The following CNOT4 variants were observed in gnomAD, a reference collection of about 807,000 sequenced individuals.
CNOT4 encodes CCR4-NOT transcription complex subunit 4.
A neutral mutation model predicts 73.8 loss-of-function variants in CNOT4; 8 were observed. The observed-to-expected ratio is 0.11, with a 90% CI of 0.06 to 0.20. The LOEUF (loss-of-function observed/expected upper bound fraction) is 0.20, where lower values mean the gene tolerates loss of function less well. CNOT4 is among the 10% of genes least tolerant of loss of function. The pLI is 1.00. For missense variants in CNOT4, 564 were observed against 883.4 expected, an observed-to-expected ratio of 0.64 and a Z score of 4.58; for synonymous variants, 293 against 321.1, an observed-to-expected ratio of 0.91 and a Z score of 0.94.
chr7:135,509,969 G>T lies in CNOT4; in HGVS notation c.-173C>A. 2.5e-6 allele frequency: 1 copy of T among 399,098 alleles called. No individual in the cohort carries two copies. The highest frequency in any genetic ancestry group is 1.3e-4 in the South Asian group (1 of 7,852). 24.7% of individuals were successfully genotyped at this position (399,098 alleles called of 1,614,324 possible). On this transcript the variant is annotated 5_prime_UTR_variant, in exon 1 of 12. Transcript: ENST00000541284. ...ACAAGAAACCACCGAACGAGCGTCG[G>T]GGAAAAAACTCTTCAGAACCGGGCC...
At chr7:135,376,748 G>A (rs1388146292) in intron 10 of CNOT4, among the ~76,000 whole-genome samples, 1 of 152,006 alleles carries the variant, frequency 6.6e-6, no homozygotes, top group Non-Finnish European at 1.5e-5. Context: ...TCTAAAAGAT[G>A]GCTCCTATCA....
At chr7:135,500,685 G>A (rs1803901405) in intron 1 of CNOT4, among the ~76,000 whole-genome samples, 1 of 152,184 alleles carries the variant, frequency 6.6e-6, no homozygotes, top group Non-Finnish European at 1.5e-5. Flanking sequence ...TTGGTAGCTA[G>A]AAATATTTAA....
intron 1 of CNOT4, among the ~76,000 whole-genome samples, chr7:135,475,869 C>T (rs1801959334): frequency 6.6e-6 from 1 of 152,122 alleles, no homozygotes; most frequent in Non-Finnish European, 1.5e-5. Context: ...TATGTTCACG[C>T]CACTGCACTC....
intron 8 of CNOT4, among the ~76,000 whole-genome samples, chr7:135,396,338 C>T (rs1199383119): frequency 2.0e-5 from 3 of 151,906 alleles, no homozygotes; most frequent in African/African-American, 7.3e-5. Flanking sequence ...AGGATGGTCT[C>T]GATCTCCTGA....
intron 1 of CNOT4, among the ~76,000 whole-genome samples, chr7:135,461,826 C>T (rs1800895689): frequency 2.0e-5 from 3 of 151,460 alleles, no homozygotes; most frequent in South Asian, 2.1e-4. Context: ...AGCGAGATCC[C>T]GTCCCAAAAA....
chr7:135,499,861 C>A (rs1009895543), intron 1 of CNOT4, among the ~76,000 whole-genome samples: 3 of 152,034 alleles, frequency 2.0e-5, no homozygotes, highest in Non-Finnish European at 2.9e-5. Flanking sequence ...AACATGAAAA[C>A]CCCTGTTAAA....
chr7:135,483,849 G>A (rs1457557188), intron 1 of CNOT4, among the ~76,000 whole-genome samples: 1 of 152,056 alleles, frequency 6.6e-6, no homozygotes. Flanking sequence ...TAAGCAAACT[G>A]GGAATAGAGA....
chr7:135,369,690 T>C (rs1053447133), intron 10 of CNOT4, among the ~76,000 whole-genome samples: 3 of 152,228 alleles, frequency 2.0e-5, no homozygotes, highest in Non-Finnish European at 4.4e-5. Flanking sequence ...TTCAAACCTT[T>C]GTGCATTTTT....
Position 135,362,642 on chromosome 7 carries a change from G to T in CNOT4, c.*243C>A, listed in dbSNP as rs1352166735. ...GATTTTTTTTTCTCTCCTTAAAAAG[G>T]CATTTTTAGAAACATTCAACAGTGT... On this transcript the variant is annotated 3_prime_UTR_variant, in exon 12 of 12. Transcript: ENST00000541284. The T allele has an allele frequency of 8.2e-6, 5 of 607,792 alleles. No homozygotes were observed. The highest frequency in any genetic ancestry group is 1.5e-5 in the Non-Finnish European group (5 of 340,048). The allele number at this position is 607,792 out of a possible 1,614,324, so 37.6% of individuals were successfully genotyped here.
chr7:135,383,422 T>C (rs1396021346), intron 10 of CNOT4, among the ~76,000 whole-genome samples: 1 of 152,210 alleles, frequency 6.6e-6, no homozygotes, highest in Non-Finnish European at 1.5e-5. Flanking sequence ...CCCTGGCTTT[T>C]CCTGGTCCTC....
chr7:135,479,655 TG>T (rs1275601058), intron 1 of CNOT4, among the ~76,000 whole-genome samples: 1 of 152,016 alleles, frequency 6.6e-6, no homozygotes, highest in Non-Finnish European at 1.5e-5. Flanking sequence ...CCCAGTGCTT[TG>T]GGAGGCGGAG....
At chr7:135,405,978 T>C (rs1197334256) in intron 7 of CNOT4, among the ~76,000 whole-genome samples, 1 of 152,168 alleles carries the variant, frequency 6.6e-6, no homozygotes. Context: ...TTTGAGTTTC[T>C]TTTTTTCCTA....
chr7:135,389,696 A>T (rs867211760), intron 10 of CNOT4, among the ~76,000 whole-genome samples: 1 of 152,198 alleles, frequency 6.6e-6, no homozygotes, highest in Admixed American at 6.5e-5. Context: ...TGAAAAAAAA[A>T]TCCAATCCTA....
In CNOT4 at chr7:135,362,704, A is replaced by G. The variant is rs775876199; in HGVS notation, c.*181T>C. ...TGGATCAACAAAAATTTTTACAATT[A>G]ATAAAGAGATGGTAATGACCCTGTG... On this transcript the variant is annotated 3_prime_UTR_variant, in exon 12 of 12. Coordinates refer to ENST00000541284, the MANE Select transcript of CNOT4 (RefSeq NM_001190850.2). The G allele has an allele frequency of 1.3e-6, 1 of 757,580 alleles. No individual in the cohort carries two copies. The highest frequency in any genetic ancestry group is 2.4e-6 in the Non-Finnish European group (1 of 416,726). 46.9% of individuals were successfully genotyped at this position (757,580 alleles called of 1,614,324 possible).
intron 2 of CNOT4, among the ~76,000 whole-genome samples, chr7:135,424,038 AAAACACAC>A (rs1798344445): frequency 1.6e-5 from 2 of 125,022 alleles, no homozygotes; most frequent in African/African-American, 6.6e-5. Flanking sequence ...ACAAACAAAC[AAAACACAC>A]ACACACACAC....
At chr7:135,487,319 C>A (rs75004720) in intron 1 of CNOT4, among the ~76,000 whole-genome samples, 68 of 152,118 alleles carry the variant, frequency 4.5e-4, no homozygotes, top group African/African-American at 1.6e-3. Flanking sequence ...CTTACTGCAG[C>A]CTTGATCTCC....
At position 135,395,667 on chromosome 7, in the gene CNOT4, T is replaced by C. The variant is rs1405472604; in HGVS notation, c.1096A>G (p.Thr366Ala). 2 of 1,614,090 alleles carry C rather than the reference T, an allele frequency of 1.2e-6. No homozygotes were observed. The highest frequency in any genetic ancestry group is 1.7e-6 in the Non-Finnish European group (2 of 1,179,952). ...SSPQTSSDWP[T>A]APEPQSLFTS... Reference sequence around the variant, plus strand: ...AAGAGGCTCTGTGGTTCTGGTGCTGTAGGCCAGTCACTGGATGTCTGTGGG... The same window carrying C: ...AAGAGGCTCTGTGGTTCTGGTGCTGCAGGCCAGTCACTGGATGTCTGTGGG... Residue 366 changes from threonine (T) to alanine (A), a missense_variant, in exon 9 of 12, where the codon ACA (threonine) becomes GCA (alanine). Transcript: ENST00000541284.
chr7:135,427,076 T>C (rs1177625908), intron 2 of CNOT4, among the ~76,000 whole-genome samples: 1 of 152,152 alleles, frequency 6.6e-6, no homozygotes, highest in African/African-American at 2.4e-5. Flanking sequence ...TAATGCAAAA[T>C]AGGTTGCCTA....
At position 135,371,339 on chromosome 7, in the gene CNOT4, CT is replaced by C. The variant is rs563223092; in HGVS notation, c.1628-7274del. On this transcript the variant is annotated intron_variant, in intron 10 of 11. Coordinates refer to ENST00000541284, the MANE Select transcript of CNOT4 (RefSeq NM_001190850.2). ...GGGAAGGGTAAATGTGTTTAAATAACTACAACATGGGATAATAAATGCTATT... is the reference window on the plus strand; with the variant it reads ...GGGAAGGGTAAATGTGTTTAAATAACACAACATGGGATAATAAATGCTATT... Among the ~76,000 whole-genome samples the C allele has an allele frequency of 3.7e-4, 56 of 152,296 alleles. No individual in the cohort carries two copies. The Middle Eastern group carries it at 0.014, about 37-fold the overall frequency.
Sources: allele counts gnomAD v4.1 joint callset (sites outside exome capture counted in the v4.1 genomes callset), GRCh38; gene constraint gnomAD v4.1.1; transcripts MANE v1.5; gene names NCBI Gene and HGNC (gene_info 2026-07-23, HGNC 2026-07-21).